TARBP1: variants seen among roughly 807,000 people sequenced by gnomAD.
The protein encoded by TARBP1 is tRNA (guanosine(18)-2'-O)-methyltransferase TARBP1.
A neutral mutation model predicts 178.6 loss-of-function variants in TARBP1; 144 were observed. The ratio of observed to expected loss-of-function variants is 0.81; its 90% CI spans 0.70 to 0.93. The LOEUF (loss-of-function observed/expected upper bound fraction) is 0.93. Among genes scored for constraint, TARBP1 ranks in the 40% least tolerant of loss-of-function variants. The probability of loss-of-function intolerance (pLI) is 0.00; values close to 1 mark genes in which losing one functional copy is unlikely to be tolerated. For synonymous variants in TARBP1, 787 were observed against 781.0 expected (o/e 1.01, Z -0.13); for missense variants, 2,067 against 2,011.7 (o/e 1.03, Z -0.53).
At chr1:234,434,936 G>A (rs1410336971) in intron 13 of TARBP1, among the ~76,000 whole-genome samples, 2 of 152,244 alleles carry the variant, frequency 1.3e-5, no homozygotes, top group East Asian at 1.9e-4. Context: ...TCAAGGGGGA[G>A]GTGGTCACCA....
chr1:234,436,359 T>A (rs1189289726), intron 13 of TARBP1, among the ~76,000 whole-genome samples: 1 of 152,182 alleles, frequency 6.6e-6, no homozygotes, highest in Non-Finnish European at 1.5e-5. Flanking sequence ...ATACATACAC[T>A]GATTCTGTAC....
At chr1:234,414,098 T>C (rs774776126) in intron 22 of TARBP1, among the ~76,000 whole-genome samples, 2 of 152,162 alleles carry the variant, frequency 1.3e-5, no homozygotes, top group Admixed American at 6.5e-5. Context: ...TCAGAAAACT[T>C]GTTCTGTAAA....
intron 3 of TARBP1, among the ~76,000 whole-genome samples, chr1:234,470,416 T>C (rs1478749724): frequency 6.6e-6 from 1 of 152,164 alleles, no homozygotes; most frequent in East Asian, 1.9e-4. Context: ...TCAAAACCAT[T>C]TAGCAAGAAG....
intron 29 of TARBP1, 115 bp downstream of exon 29, chr1:234,392,300 CA>C: frequency 7.5e-7 from 1 of 1,335,508 alleles, no homozygotes; most frequent in South Asian, 1.4e-5. Flanking sequence ...TGTGCCACTA[CA>C]CTCCAGCCTG....
intron 22 of TARBP1, among the ~76,000 whole-genome samples, chr1:234,410,843 C>T (rs763983715): frequency 6.6e-6 from 1 of 152,170 alleles, no homozygotes; most frequent in Non-Finnish European, 1.5e-5. Flanking sequence ...GAGGCTGAGG[C>T]GGGTGGATCA....
In TARBP1 at chr1:234,398,484, TA is replaced by T. The variant is rs1660365717; in HGVS notation, c.4140del (p.Phe1380LeufsTer9). The T allele has an allele frequency of 6.2e-7, 1 of 1,611,560 alleles. No homozygotes were observed. The highest frequency in any genetic ancestry group is 1.3e-5 in the African/African-American group (1 of 74,904). On this transcript the variant is annotated frameshift_variant, in exon 26 of 30. Transcript: ENST00000040877. LOFTEE classifies it high-confidence loss of function. ...IEDEWITIDK[F>X]TRFTDVPLAA... The stretch of plus-strand genomic sequence containing the variant: ...GCTAAAGGAACATCAGTGAATCTGG[TA>T]AATTTATCAATGGTGATCCATTCAT...
chr1:234,415,009 T>TA (rs112259002), intron 22 of TARBP1, among the ~76,000 whole-genome samples: 19,338 of 150,844 alleles, frequency 0.13, 1,362 homozygotes, highest in Non-Finnish European at 0.17. Flanking sequence ...ATTAGTAAAT[T>TA]AAAAAAAAAC....
intron 22 of TARBP1, 57 bp from the exon 23 acceptor site, chr1:234,410,588 C>G: frequency 8.8e-7 from 1 of 1,134,818 alleles, no homozygotes; most frequent in Non-Finnish European, 1.3e-6. Flanking sequence ...GAAACATGCA[C>G]GTGAAAGCGC....
Position 234,427,607 on chromosome 1 carries a change from T to C in TARBP1, c.3220A>G (p.Ile1074Val), listed in dbSNP as rs775295019. ...TCACGCCTAAACACAGTTCCAAATATACAAGCCTCAAGGATAAGTTCGCTA... is the reference window on the plus strand; with the variant it reads ...TCACGCCTAAACACAGTTCCAAATACACAAGCCTCAAGGATAAGTTCGCTA... ...NYSELILEAC[I>V]FGTVFRRDQR... The change falls in exon 18 of 30, where the codon ATA (isoleucine) becomes GTA (valine). Residue 1074 changes from isoleucine (I) to valine (V), a missense_variant. By Grantham distance (29) the Ile-to-Val change is conservative. Transcript: ENST00000040877. 20 of 1,601,530 alleles carry C rather than the reference T, an allele frequency of 1.2e-5. No individual in the cohort carries two copies. In the East Asian group the frequency reaches 1.3e-4, roughly 11 times the overall value.
intron 3 of TARBP1, among the ~76,000 whole-genome samples, chr1:234,469,588 G>T (rs1354629767): frequency 6.6e-6 from 1 of 152,136 alleles, no homozygotes; most frequent in East Asian, 1.9e-4. Flanking sequence ...ATTCCTAAGG[G>T]GTCAAACTAT....
intron 9 of TARBP1, among the ~76,000 whole-genome samples, chr1:234,455,233 A>T (rs941689955): frequency 2.0e-5 from 3 of 152,244 alleles, no homozygotes; most frequent in African/African-American, 7.2e-5. Flanking sequence ...AATTTATTAC[A>T]GCAACCATAG....
Position 234,448,526 on chromosome 1 carries a change from T to C in TARBP1, c.1915A>G (p.Met639Val), listed in dbSNP as rs780636581. ...DWFEAKLVSL[M>V]VLLAVDVEGM... ...TCCACATCCACAGCCAGCAAGACCA[T>C]CAGAGAAACAAGCTTGGCTTCAAAC... Residue 639 changes from methionine (M) to valine (V), a missense_variant, in exon 11 of 30, where the codon ATG (methionine) becomes GTG (valine). Met to Val is a conservative substitution (Grantham distance 21). Coordinates refer to ENST00000040877, the MANE Select transcript of TARBP1 (RefSeq NM_005646.4). 1.2e-6 allele frequency: 2 copies of C among 1,614,050 alleles called. No individual in the cohort carries two copies. The highest frequency in any genetic ancestry group is 2.2e-5 in the South Asian group (2 of 91,076).
intron 10 of TARBP1, among the ~76,000 whole-genome samples, chr1:234,449,852 A>G (rs1410450956): frequency 6.6e-6 from 1 of 152,076 alleles, no homozygotes; most frequent in Admixed American, 6.5e-5. Flanking sequence ...TGTAAAAAGA[A>G]TCCTAATTAA....
intron 22 of TARBP1, 98 bp from the exon 23 acceptor site, chr1:234,410,629 G>A: frequency 1.4e-6 from 1 of 729,122 alleles, no homozygotes; most frequent in East Asian, 2.9e-5. Flanking sequence ...CCCAGGACAG[G>A]AGGCAGCCTC....
At chr1:234,475,098 T>C (rs1669454420) in intron 1 of TARBP1, among the ~76,000 whole-genome samples, 1 of 152,196 alleles carries the variant, frequency 6.6e-6, no homozygotes, top group Non-Finnish European at 1.5e-5. Context: ...TCCACATCCA[T>C]TCACCAGCTC....
Position 234,420,737 on chromosome 1 carries a change from G to A in TARBP1, c.3520C>T (p.Gln1174Ter). 6.2e-7 allele frequency: 1 copy of A among 1,612,630 alleles called. No homozygotes were observed. Among genetic ancestry groups the A allele is most frequent in the South Asian group, 1.1e-5 (1 of 90,838 alleles). The part of the protein sequence containing the change: ...LQHRVKNRVW[Q>*]TLLVLFPRLD... The stretch of plus-strand genomic sequence containing the variant: ...CTAGGGAAAAGTACCAGCAGAGTCT[G>A]CCACACTCGGTTTTTCACTCTGTGC... The change falls in exon 21 of 30, where the codon CAG (glutamine) becomes TAG (stop). Residue 1174 changes from glutamine (Q) to a stop codon, truncating the protein, a stop_gained. Transcript: ENST00000040877. LOFTEE classifies it high-confidence loss of function.
At chr1:234,459,817 A>G (rs533706436) in intron 7 of TARBP1, among the ~76,000 whole-genome samples, 16 of 152,248 alleles carry the variant, frequency 1.1e-4, no homozygotes, top group African/African-American at 2.6e-4. Context: ...AGCTCAAAAA[A>G]AAAAAACTAT....
intron 20 of TARBP1, among the ~76,000 whole-genome samples, chr1:234,422,869 T>C (rs1422394512): frequency 6.6e-6 from 1 of 152,234 alleles, no homozygotes; most frequent in Non-Finnish European, 1.5e-5. Context: ...ACACCTACTA[T>C]AGACCCACAA....
In TARBP1 at chr1:234,398,539, G is replaced by A; in HGVS notation, c.4086C>T (p.Ile1362=). 6.3e-7 allele frequency: 1 copy of A among 1,581,186 alleles called. No homozygotes were observed. The highest frequency in any genetic ancestry group is 1.3e-5 in the African/African-American group (1 of 74,486). Residue 1362 remains isoleucine (I), a synonymous_variant, in exon 26 of 30, where the codon ATC becomes ATT. Transcript: ENST00000040877. ...KDYCLETIFY[I]LPRLSGLIED... is the part of the protein sequence containing the mutation. ...CAATAAGGCCTGAAAGGCGTGGAAGGATGTAAAATATGGTCTGAAAAGAGA... is the reference window on the plus strand; with the variant it reads ...CAATAAGGCCTGAAAGGCGTGGAAGAATGTAAAATATGGTCTGAAAAGAGA...
Sources: allele counts gnomAD v4.1 joint callset (sites outside exome capture counted in the v4.1 genomes callset), GRCh38; gene constraint gnomAD v4.1.1; transcripts MANE v1.5; gene names NCBI Gene and HGNC (gene_info 2026-07-23, HGNC 2026-07-21).